The following MAST2 variants were observed in gnomAD, a reference collection of about 807,000 sequenced individuals.
MAST2 encodes the protein microtubule-associated serine/threonine-protein kinase 2.
MAST2 carries 70 observed loss-of-function variants against 147.4 expected under a neutral mutation model. That is an observed-to-expected ratio of 0.47 (90% CI 0.39 to 0.58). The LOEUF (loss-of-function observed/expected upper bound fraction) is 0.58. MAST2 is among the 20% of genes least tolerant of loss of function. MAST2 has a pLI of 0.00. For synonymous variants in MAST2, 869 were observed against 896.8 expected (o/e 0.97, Z 0.55); for missense variants, 2,080 against 2,302.3 (o/e 0.90, Z 1.98).
intron 25 of MAST2, 96 bp downstream of exon 25, chr1:46,032,500 G>A: frequency 1.3e-6 from 2 of 1,595,900 alleles, no homozygotes; most frequent in African/African-American, 1.3e-5. Context: ...GGGGTCAAAG[G>A]GTGGTGGTGA....
intron 3 of MAST2, chr1:45,865,245 CA>C: frequency 2.6e-6 from 1 of 379,940 alleles, no homozygotes; most frequent in South Asian, 2.0e-5. Context: ...AGGTAGGAGG[CA>C]GAGTGGAGTG....
At chr1:45,937,175 A>G (rs903657214) in intron 4 of MAST2, among the ~76,000 whole-genome samples, 3 of 151,404 alleles carry the variant, frequency 2.0e-5, no homozygotes, top group Non-Finnish European at 4.4e-5. Context: ...GGCTCAAGTG[A>G]TCCTTCCACT....
intron 4 of MAST2, among the ~76,000 whole-genome samples, chr1:45,955,900 A>G (rs1286433467): frequency 2.0e-5 from 3 of 152,170 alleles, no homozygotes; most frequent in East Asian, 1.9e-4. Context: ...AAATTTTTGT[A>G]TAGTTTTATT....
At chr1:46,017,848 G>T (rs1024089132) in intron 10 of MAST2, among the ~76,000 whole-genome samples, 3 of 152,158 alleles carry the variant, frequency 2.0e-5, no homozygotes, top group East Asian at 3.8e-4. Context: ...AAATCATGCT[G>T]CTATAAAGAC....
chr1:45,863,810 C>T (rs1445396031), intron 3 of MAST2, among the ~76,000 whole-genome samples: 2 of 152,224 alleles, frequency 1.3e-5, no homozygotes, highest in East Asian at 3.9e-4. Context: ...TTCGTGTCTC[C>T]TGAATTTTGT....
rs74738195 is a variant in MAST2, at chr1:45,886,700, A to G, written c.500+4305A>G. On this transcript the variant is annotated intron_variant, in intron 4 of 28. Coordinates refer to ENST00000361297, the MANE Select transcript of MAST2 (RefSeq NM_015112.3). The stretch of plus-strand genomic sequence containing the variant: ...TTACTTGTATCTGTTTACCCAGGCT[A>G]GAAGGGTTTTATATTTTACTTTTTC... 5.8e-4 allele frequency among the ~76,000 whole-genome samples: 88 copies of G among 152,326 alleles called. No homozygotes were observed. In the East Asian group the frequency reaches 0.013, roughly 23 times the overall value.
At chr1:45,918,166 A>G (rs1042557603) in intron 4 of MAST2, among the ~76,000 whole-genome samples, 10 of 152,224 alleles carry the variant, frequency 6.6e-5, no homozygotes, top group African/African-American at 2.4e-4. Flanking sequence ...AAGAGAATGT[A>G]GAGGCCAGGG....
chr1:45,816,008 G>A (rs1281169119), intron 1 of MAST2, among the ~76,000 whole-genome samples: 1 of 152,094 alleles, frequency 6.6e-6, no homozygotes. Flanking sequence ...CATTTATTTT[G>A]GTTATAGACA....
chr1:45,987,803 G>C (rs1173920608), intron 5 of MAST2, among the ~76,000 whole-genome samples: 1 of 39,524 alleles, frequency 2.5e-5, no homozygotes, highest in East Asian at 6.5e-4. Context: ...TTTTTTTTTG[G>C]TTTGGTGTTT....
chr1:45,831,779 AGTTTTTTTT>A (rs1310398447), intron 3 of MAST2, among the ~76,000 whole-genome samples: 1 of 133,990 alleles, frequency 7.5e-6, no homozygotes, highest in Non-Finnish European at 1.6e-5. Flanking sequence ...GAAGTTTAAT[AGTTTTTTTT>A]TTTTTTTTTG....
At chr1:45,895,812 C>T (rs900673550) in intron 4 of MAST2, among the ~76,000 whole-genome samples, 1 of 152,072 alleles carries the variant, frequency 6.6e-6, no homozygotes, top group Non-Finnish European at 1.5e-5. Flanking sequence ...TTGAAAATGG[C>T]AAAATGTCAA....
chr1:45,827,029 T>C (rs1395656038), intron 2 of MAST2, among the ~76,000 whole-genome samples: 14 of 151,868 alleles, frequency 9.2e-5, no homozygotes, highest in African/African-American at 3.4e-4. Flanking sequence ...GGGGTTTCAC[T>C]ATGTTGGCCA....
At chr1:45,968,470 G>A (rs183015092) in intron 5 of MAST2, among the ~76,000 whole-genome samples, 4 of 125,740 alleles carry the variant, frequency 3.2e-5, no homozygotes, top group Non-Finnish European at 4.9e-5. Flanking sequence ...TTGCTTGCTT[G>A]GTTTTTTTGT....
chr1:46,007,893 TG>T (rs1645553340), intron 8 of MAST2, among the ~76,000 whole-genome samples: 1 of 152,212 alleles, frequency 6.6e-6, no homozygotes, highest in South Asian at 2.1e-4. Context: ...CGTCTTCCTT[TG>T]GTTGCTTTGG....
intron 1 of MAST2, among the ~76,000 whole-genome samples, chr1:45,812,583 C>T (rs941666741): frequency 2.4e-4 from 36 of 152,062 alleles, no homozygotes; most frequent in African/African-American, 8.2e-4. Context: ...TGTGCCACCA[C>T]GCCTGGGTAA....
In MAST2 at chr1:45,848,336, A is replaced by C. The variant is rs867862251; in HGVS notation, c.468+18755A>C. ...AATGATAAGAGTGACTTACTGTGCA[A>C]ACAATGTGATTTATGCTGAACATTT... On this transcript the variant is annotated intron_variant, in intron 3 of 28. Transcript: ENST00000361297. 6.0e-3 allele frequency among the ~76,000 whole-genome samples: 915 copies of C among 152,334 alleles called. 9 individuals are homozygous for C. Among genetic ancestry groups the C allele is most frequent in the African/African-American group, 0.021 (879 of 41,566 alleles).
rs79678457 is a variant in MAST2, at chr1:45,807,932, G to A, written c.177+3860G>A. ...TTTTAAAAAGGCCAAAATTTTCATT[G>A]TATGTGTCGAGACTGGTTGAATTCT... is the stretch of plus-strand genomic sequence containing the variant. On this transcript the variant is annotated intron_variant, in intron 1 of 28. Coordinates refer to ENST00000361297, the MANE Select transcript of MAST2 (RefSeq NM_015112.3). 5.5e-4 allele frequency among the ~76,000 whole-genome samples: 84 copies of A among 152,266 alleles called. No individual in the cohort carries two copies. The East Asian group carries it at 0.013, about 24-fold the overall frequency.
intron 5 of MAST2, among the ~76,000 whole-genome samples, chr1:45,964,563 A>T (rs373086383): frequency 6.6e-6 from 1 of 151,500 alleles, no homozygotes; most frequent in Non-Finnish European, 1.5e-5. Flanking sequence ...GGTGGTGATA[A>T]CCCCTTTATC....
chr1:45,970,224 T>G (rs927674846), intron 5 of MAST2, among the ~76,000 whole-genome samples: 7 of 152,112 alleles, frequency 4.6e-5, no homozygotes, highest in African/African-American at 1.7e-4. Context: ...GGATAAAACT[T>G]ACAAAAATTT....
Sources: allele counts gnomAD v4.1 joint callset (sites outside exome capture counted in the v4.1 genomes callset), GRCh38; gene constraint gnomAD v4.1.1; transcripts MANE v1.5; gene names NCBI Gene and HGNC (gene_info 2026-07-23, HGNC 2026-07-21).